The following ME3 variants were observed in gnomAD, a reference collection of about 807,000 sequenced individuals.
The protein encoded by ME3 is NADP-dependent malic enzyme, mitochondrial.
ME3 carries 48 observed loss-of-function variants against 68.9 expected under a neutral mutation model. That is an observed-to-expected ratio of 0.70 (90% CI 0.55 to 0.89). The LOEUF (loss-of-function observed/expected upper bound fraction) is 0.89. ME3 is among the 40% of genes least tolerant of loss of function. The probability of loss-of-function intolerance (pLI) is 0.00; values close to 1 mark genes in which losing one functional copy is unlikely to be tolerated. For synonymous variants in ME3, 320 were observed against 318.8 expected (o/e 1.00, Z -0.04); for missense variants, 675 against 797.4 (o/e 0.85, Z 1.85).
chr11:86,652,490 A>C (rs1945518171), intron 2 of ME3, among the ~76,000 whole-genome samples: 1 of 152,138 alleles, frequency 6.6e-6, no homozygotes, highest in Non-Finnish European at 1.5e-5. Flanking sequence ...TATCCAGCCA[A>C]ACTAAGCTTC....
intron 2 of ME3, among the ~76,000 whole-genome samples, chr11:86,606,007 CT>C (rs1961587294): frequency 6.6e-6 from 1 of 152,206 alleles, no homozygotes; most frequent in Non-Finnish European, 1.5e-5. Flanking sequence ...CTAAAAGCTT[CT>C]GGAGGCTGTG....
chr11:86,546,726 A>G (rs927913375), intron 4 of ME3, among the ~76,000 whole-genome samples: 20 of 152,236 alleles, frequency 1.3e-4, no homozygotes, highest in Admixed American at 1.0e-3. Context: ...TGAGAGTGTA[A>G]ATTTGTTCAA....
chr11:86,480,331 T>A (rs893997069), intron 7 of ME3, among the ~76,000 whole-genome samples: 3 of 152,256 alleles, frequency 2.0e-5, no homozygotes, highest in African/African-American at 7.2e-5. Context: ...TCTATCTCTT[T>A]GCTGGCAAAA....
intron 12 of ME3, chr11:86,446,774 T>C: frequency 1.7e-6 from 1 of 592,948 alleles, no homozygotes; most frequent in Non-Finnish European, 2.9e-6. Flanking sequence ...GGATGTGGCC[T>C]AGAGTCTACA....
chr11:86,602,176 A>G (rs1960800499), intron 2 of ME3, among the ~76,000 whole-genome samples: 2 of 151,492 alleles, frequency 1.3e-5, no homozygotes, highest in Admixed American at 1.3e-4. Context: ...CCCTGTTTGC[A>G]GATGACATGA....
rs12222139 is a variant in ME3 at position 86,668,879 on chromosome 11, G to A, written c.183+2883C>T. Among the ~76,000 whole-genome samples, 79 of 152,272 alleles carry A rather than the reference G, an allele frequency of 5.2e-4. No homozygotes were observed. In the East Asian group the frequency reaches 0.014, roughly 28 times the overall value. ...TACCCCATGCCAAACACAGGTGGAC[G>A]AATCTCATTACCTGGCCTGGAAGGG... On this transcript the variant is annotated intron_variant, in intron 2 of 14. Transcript: ENST00000543262.
At chr11:86,651,001 C>A (rs1945376667) in intron 2 of ME3, among the ~76,000 whole-genome samples, 1 of 152,196 alleles carries the variant, frequency 6.6e-6, no homozygotes, top group South Asian at 2.1e-4. Context: ...TCATTGCTAG[C>A]ACAGCAGTCT....
intron 10 of ME3, 77 bp from the exon 11 acceptor site, chr11:86,448,332 T>C (rs1425858301): frequency 1.8e-6 from 2 of 1,094,188 alleles, no homozygotes; most frequent in African/African-American, 3.1e-5. Flanking sequence ...TTGGAAACTC[T>C]GAGAGCGTTT....
Position 86,466,300 on chromosome 11 carries a change from A to G in ME3, c.810-1100T>C, listed in dbSNP as rs552907233. ...GCAAGTGTAGTATGGATTATTAAAA[A>G]CTACTTAATACATGGATAAAAATAG... On this transcript the variant is annotated intron_variant, in intron 7 of 14. Transcript: ENST00000543262. 5.3e-5 allele frequency among the ~76,000 whole-genome samples: 8 copies of G among 152,318 alleles called. No homozygotes were observed. In the South Asian group the frequency reaches 1.0e-3, roughly 20 times the overall value.
intron 3 of ME3, among the ~76,000 whole-genome samples, chr11:86,557,559 T>C (rs1310397041): frequency 6.6e-6 from 1 of 152,232 alleles, no homozygotes; most frequent in Non-Finnish European, 1.5e-5. Flanking sequence ...TATGTTTGAA[T>C]CCCAGCTCTG....
chr11:86,624,204 C>T (rs959944870), intron 2 of ME3, among the ~76,000 whole-genome samples: 1 of 152,228 alleles, frequency 6.6e-6, no homozygotes, highest in Non-Finnish European at 1.5e-5. Context: ...GAGGGCTTCT[C>T]AGCCCCTAGT....
intron 2 of ME3, among the ~76,000 whole-genome samples, chr11:86,662,129 T>C (rs910279663): frequency 3.3e-5 from 5 of 152,164 alleles, no homozygotes; most frequent in African/African-American, 4.8e-5. Flanking sequence ...GTTATTTCTC[T>C]GGAAAGGCCA....
chr11:86,460,563 G>T (rs1272640805), intron 8 of ME3, among the ~76,000 whole-genome samples: 1 of 152,170 alleles, frequency 6.6e-6, no homozygotes, highest in African/African-American at 2.4e-5. Flanking sequence ...TTTCATGTGG[G>T]TTGCTCGATT....
chr11:86,660,769 T>A (rs1946222527), intron 2 of ME3, among the ~76,000 whole-genome samples: 1 of 152,218 alleles, frequency 6.6e-6, no homozygotes, highest in African/African-American at 2.4e-5. Context: ...TGAGAATTGA[T>A]AATCTCATCA....
At chr11:86,560,742 GTGTGTGTATA>G (rs1565953803) in intron 2 of ME3, among the ~76,000 whole-genome samples, 197 of 58,328 alleles carry the variant, frequency 3.4e-3, no homozygotes, top group Middle Eastern at 0.018. Flanking sequence ...GTGTGTGTGT[GTGTGTGTATA>G]TATATATATA....
At chr11:86,663,453 C>T (rs963134221) in intron 2 of ME3, among the ~76,000 whole-genome samples, 5 of 152,196 alleles carry the variant, frequency 3.3e-5, no homozygotes, top group African/African-American at 1.2e-4. Flanking sequence ...GGATATCCAT[C>T]ACATTTTCCT....
rs116783049 is a variant in ME3 at position 86,632,258 on chromosome 11, C to T, written c.183+39504G>A. Reference sequence around the variant, plus strand: ...GAGCAGAGGGCCTCTGGGAGAGCAGCTTCACAGGGGCCTCACAGTTTGTGG... The same window carrying T: ...GAGCAGAGGGCCTCTGGGAGAGCAGTTTCACAGGGGCCTCACAGTTTGTGG... On this transcript the variant is annotated intron_variant, in intron 2 of 14. Transcript: ENST00000543262. Among the ~76,000 whole-genome samples, 688 of 152,228 alleles carry T rather than the reference C, an allele frequency of 4.5e-3. 7 individuals carry two copies. The highest frequency in any genetic ancestry group is 0.016 in the African/African-American group (651 of 41,528).
At chr11:86,520,531 G>A (rs1292855148) in intron 4 of ME3, among the ~76,000 whole-genome samples, 1 of 135,906 alleles carries the variant, frequency 7.4e-6, no homozygotes, top group African/African-American at 2.8e-5. Flanking sequence ...GAGAACAAGC[G>A]GGCCCAGAAT....
chr11:86,595,320 G>GAGAGACAGAGAGAGAGAGAC (rs1554996002), intron 2 of ME3, among the ~76,000 whole-genome samples: 1 of 138,642 alleles, frequency 7.2e-6, no homozygotes, highest in Non-Finnish European at 1.5e-5. Context: ...GAGAGAGAGA[G>GAGAGACAGAGAGAGAGAGAC]AGAGAGAGAG....
Sources: allele counts gnomAD v4.1 joint callset (sites outside exome capture counted in the v4.1 genomes callset), GRCh38; gene constraint gnomAD v4.1.1; transcripts MANE v1.5; gene names NCBI Gene and HGNC (gene_info 2026-07-23, HGNC 2026-07-21).